The following CNTN6 variants were observed in gnomAD, a reference collection of about 807,000 sequenced individuals.
The protein encoded by CNTN6 is contactin-6.
CNTN6 carries 137 observed loss-of-function variants against 122.8 expected under a neutral mutation model. The observed-to-expected ratio is 1.12, with a 90% CI of 0.97 to 1.29. The LOEUF (loss-of-function observed/expected upper bound fraction) is 1.29, where lower values mean the gene tolerates loss of function less well. CNTN6 is among the 50% of genes most tolerant of loss of function. The pLI, the probability that CNTN6 is intolerant of heterozygous loss-of-function variation, is 0.00. For missense variants in CNTN6, 1,634 were observed against 1,223.4 expected, an observed-to-expected ratio of 1.34 and a Z score of -5.01; for synonymous variants, 570 against 426.0, an observed-to-expected ratio of 1.34 and a Z score of -4.16.
chr3:1,256,134 G>T (rs1466953816), intron 4 of CNTN6, among the ~76,000 whole-genome samples: 1 of 152,050 alleles, frequency 6.6e-6, no homozygotes, highest in African/African-American at 2.4e-5. Flanking sequence ...GTCTCCTAAA[G>T]TGCTGCGATT....
At chr3:1,381,740 T>A (rs1481807336) in intron 17 of CNTN6, among the ~76,000 whole-genome samples, 1 of 152,200 alleles carries the variant, frequency 6.6e-6, no homozygotes, top group Admixed American at 6.5e-5. Context: ...TTAGCTTCTA[T>A]TGCCTCACTG....
chr3:1,145,470 C>T (rs1217852052), intron 1 of CNTN6, among the ~76,000 whole-genome samples: 1 of 124,180 alleles, frequency 8.1e-6, no homozygotes, highest in East Asian at 2.5e-4. Context: ...GACCTTTTAT[C>T]ACAAGAAGGA....
intron 2 of CNTN6, among the ~76,000 whole-genome samples, chr3:1,207,050 G>T (rs117963187): frequency 2.0e-5 from 3 of 152,062 alleles, no homozygotes; most frequent in Admixed American, 6.6e-5. Context: ...TATACCTTCA[G>T]TTCATAATTA....
chr3:1,117,483 G>C (rs746318943), intron 1 of CNTN6, among the ~76,000 whole-genome samples: 2 of 152,144 alleles, frequency 1.3e-5, no homozygotes, highest in Non-Finnish European at 1.5e-5. Flanking sequence ...ATCGGTATGT[G>C]ACTTACTGTG....
chr3:1,199,145 A>G (rs907887528), intron 2 of CNTN6, among the ~76,000 whole-genome samples: 7 of 150,922 alleles, frequency 4.6e-5, no homozygotes, highest in Admixed American at 4.6e-4. Flanking sequence ...GTAGACTTCT[A>G]GACTCCTGAA....
At chr3:1,216,088 G>C (rs2094126530) in intron 2 of CNTN6, among the ~76,000 whole-genome samples, 1 of 152,046 alleles carries the variant, frequency 6.6e-6, no homozygotes. Flanking sequence ...CTGAGTGCAT[G>C]GGCATGACAT....
intron 22 of CNTN6, among the ~76,000 whole-genome samples, chr3:1,403,063 A>G (rs907819552): frequency 2.0e-5 from 3 of 152,216 alleles, no homozygotes; most frequent in African/African-American, 7.2e-5. Context: ...ATTAGCATCC[A>G]ATGTTGGCCA....
At chr3:1,296,479 G>GT (rs1041059442) in intron 6 of CNTN6, among the ~76,000 whole-genome samples, 1 of 152,140 alleles carries the variant, frequency 6.6e-6, no homozygotes, top group South Asian at 2.1e-4. Flanking sequence ...TTCTCTAGTT[G>GT]TTTTTTTAAT....
intron 4 of CNTN6, among the ~76,000 whole-genome samples, chr3:1,246,057 T>C (rs1409634718): frequency 6.6e-6 from 1 of 152,160 alleles, no homozygotes; most frequent in Non-Finnish European, 1.5e-5. Context: ...TAATTTATGC[T>C]CTTCTTTTCC....
At chr3:1,217,392 T>C (rs1026358196) in intron 2 of CNTN6, among the ~76,000 whole-genome samples, 3 of 152,218 alleles carry the variant, frequency 2.0e-5, no homozygotes, top group African/African-American at 7.2e-5. Context: ...AGGTTTACGC[T>C]TGATGTTGTG....
rs776464407 is a variant in CNTN6, at chr3:1,402,368, CAA to C, written c.2869_2870del (p.Asn957TyrfsTer4). On this transcript the variant is annotated frameshift_variant, in exon 22 of 23. Coordinates refer to ENST00000446702, the MANE Select transcript of CNTN6 (RefSeq NM_001289080.2). LOFTEE classifies it high-confidence loss of function. ...QSKTHILETNNTSAELLVPFE... is the reference protein window; with the variant it reads ...QSKTHILETNXTSAELLVPFE... ...GTAAAACTCATATTTTGGAAACAAA[CAA>C]TACATCAGCTGAGCTTCTGGTTCCA... 4.7e-5 allele frequency: 76 copies of C among 1,611,872 alleles called. No homozygotes were observed. The highest frequency in any genetic ancestry group is 6.4e-5 in the Non-Finnish European group (75 of 1,178,874).
intron 1 of CNTN6, among the ~76,000 whole-genome samples, chr3:1,132,691 A>AAAT (rs1244223515): frequency 6.6e-6 from 1 of 150,460 alleles, no homozygotes; most frequent in Non-Finnish European, 1.5e-5. Context: ...ATAAATAAAT[A>AAAT]ACGTGAAGAT....
intron 4 of CNTN6, among the ~76,000 whole-genome samples, chr3:1,232,814 A>T (rs949116043): frequency 6.6e-6 from 1 of 152,220 alleles, no homozygotes; most frequent in African/African-American, 2.4e-5. Context: ...AGAAAAGGCA[A>T]GGGAAGCCTT....
chr3:1,307,492 CT>C (rs1296326240), intron 7 of CNTN6, among the ~76,000 whole-genome samples: 1 of 151,988 alleles, frequency 6.6e-6, no homozygotes, highest in Non-Finnish European at 1.5e-5. Context: ...CACAATTTCC[CT>C]TGTTACTAAC....
At chr3:1,247,278 C>G (rs931666420) in intron 4 of CNTN6, among the ~76,000 whole-genome samples, 7 of 152,114 alleles carry the variant, frequency 4.6e-5, no homozygotes, top group Non-Finnish European at 1.0e-4. Context: ...CCTTTCTTTG[C>G]TGTTCTACAG....
chr3:1,324,259 G>C (rs1345077539), intron 8 of CNTN6, among the ~76,000 whole-genome samples: 1 of 148,916 alleles, frequency 6.7e-6, no homozygotes, highest in Non-Finnish European at 1.5e-5. Flanking sequence ...TCATTGAAGG[G>C]TCTTCTGTCT....
intron 1 of CNTN6, among the ~76,000 whole-genome samples, chr3:1,104,729 G>C (rs770637975): frequency 1.1e-4 from 16 of 152,006 alleles, no homozygotes; most frequent in Non-Finnish European, 2.4e-4. Flanking sequence ...CATCCTTTCA[G>C]TCATCTTGTA....
At chr3:1,128,980 T>C (rs1038666618) in intron 1 of CNTN6, among the ~76,000 whole-genome samples, 7 of 152,044 alleles carry the variant, frequency 4.6e-5, no homozygotes, top group Admixed American at 4.6e-4. Flanking sequence ...ATATATGCCT[T>C]CTTTTGTTTG....
intron 4 of CNTN6, among the ~76,000 whole-genome samples, chr3:1,234,846 C>G (rs1252834758): frequency 6.6e-6 from 1 of 152,084 alleles, no homozygotes; most frequent in African/African-American, 2.4e-5. Context: ...CTCAATTTGT[C>G]TTAATGAAAT....
Sources: gnomAD v4.1 joint callset for allele counts (sites outside exome capture counted in the v4.1 genomes callset) on GRCh38, gnomAD v4.1.1 for gene constraint, MANE v1.5 for transcripts, NCBI Gene and HGNC (gene_info 2026-07-23, HGNC 2026-07-21) for gene names.